The following FECH variants were observed in gnomAD, a reference collection of about 807,000 sequenced individuals.
FECH encodes the protein ferrochelatase, also known as ferrochelatase, mitochondrial.
FECH carries 40 observed loss-of-function variants against 56.9 expected under a neutral mutation model. The ratio of observed to expected loss-of-function variants is 0.70; its 90% CI spans 0.55 to 0.92. The LOEUF is 0.92. Ranked by LOEUF, FECH falls within the 40% of genes least tolerant of loss-of-function variation. The probability of loss-of-function intolerance (pLI) is 0.00; values close to 1 mark genes in which losing one functional copy is unlikely to be tolerated. For missense variants in FECH, 431 were observed against 529.1 expected (o/e 0.81, Z 1.82); for synonymous variants, 175 against 198.6 (o/e 0.88, Z 1.00).
intron 1 of FECH, among the ~76,000 whole-genome samples, chr18:57,583,936 C>T (rs1007726482): frequency 1.3e-5 from 2 of 152,310 alleles, no homozygotes; most frequent in Admixed American, 1.3e-4. Context: ...AATCCTAGCA[C>T]TTTGGGAGGC....
intron 2 of FECH, among the ~76,000 whole-genome samples, chr18:57,576,189 T>C (rs2051183909): frequency 6.6e-6 from 1 of 152,168 alleles, no homozygotes; most frequent in South Asian, 2.1e-4. Context: ...TTGCCAAATT[T>C]GTCCCAGGAG....
chr18:57,555,439 G>C (rs893993420), intron 7 of FECH, among the ~76,000 whole-genome samples: 1 of 152,140 alleles, frequency 6.6e-6, no homozygotes, highest in African/African-American at 2.4e-5. Flanking sequence ...ATCACTGCAG[G>C]TTACAGGCAC....
rs541841820 is a variant in FECH, at chr18:57,562,270, G to C, written c.705+604C>G. 3.9e-5 allele frequency among the ~76,000 whole-genome samples: 6 copies of C among 152,216 alleles called. No homozygotes were observed. In the East Asian group the frequency reaches 1.2e-3, roughly 29 times the overall value. ...CCTCCCATATTTGACAGGCAGAAAA[G>C]AATATGGTAACATCAGTTCAAAGCT... On this transcript the variant is annotated intron_variant, in intron 6 of 10. Transcript: ENST00000262093.
intron 9 of FECH, 94 bp downstream of exon 9, chr18:57,554,166 A>G: frequency 2.2e-6 from 3 of 1,342,176 alleles, no homozygotes; most frequent in Non-Finnish European, 3.2e-6. Context: ...CAAATACAGT[A>G]AACAATATTT....
intron 7 of FECH, 35 bp downstream of exon 7, chr18:57,559,110 A>G: frequency 7.3e-7 from 1 of 1,374,172 alleles, no homozygotes; most frequent in Non-Finnish European, 1.0e-6. Context: ...CCAATCCTCT[A>G]TCACTAGGTC....
intron 6 of FECH, among the ~76,000 whole-genome samples, chr18:57,559,972 A>G (rs947054404): frequency 3.3e-5 from 5 of 152,232 alleles, no homozygotes; most frequent in Non-Finnish European, 5.9e-5. Flanking sequence ...TCACGTCGAT[A>G]GGTGCTGAAA....
chr18:57,586,553 C>G lies in FECH; in HGVS notation c.67+1G>C. On this transcript the variant is annotated splice_donor_variant, in intron 1 of 10. Coordinates refer to ENST00000262093, the MANE Select transcript of FECH (RefSeq NM_000140.5). LOFTEE classifies it high-confidence loss of function. ...GCGGCCGCCGCGACAGACCCACTTACGCGGATCGCGGAGCAGGACGCCCGC... is the reference window on the plus strand; with the variant it reads ...GCGGCCGCCGCGACAGACCCACTTAGGCGGATCGCGGAGCAGGACGCCCGC... The G allele has an allele frequency of 1.3e-6, 2 of 1,521,684 alleles. No homozygotes were observed. The highest frequency in any genetic ancestry group is 1.8e-6 in the Non-Finnish European group (2 of 1,141,154). The allele number at this position is 1,521,684 out of a possible 1,614,324, so 94.3% of individuals were successfully genotyped here. A position where few individuals can be genotyped will look rare whatever the true frequency, so the allele number is the denominator to read the frequency against.
chr18:57,555,826 G>A (rs544426578), intron 7 of FECH, among the ~76,000 whole-genome samples: 25 of 152,320 alleles, frequency 1.6e-4, no homozygotes, highest in African/African-American at 6.0e-4. Flanking sequence ...ATAAATATTG[G>A]TGAAATGAAA....
Position 57,547,325 on chromosome 18 carries a change from T to G in FECH, c.*3387A>C, listed in dbSNP as rs1390137806. Reference sequence around the variant, plus strand: ...AGGGTGGAATGATATGATTTGGCTCTGTTCCCCACCCAAATCTCATTTCAA... The same window carrying G: ...AGGGTGGAATGATATGATTTGGCTCGGTTCCCCACCCAAATCTCATTTCAA... On this transcript the variant is annotated 3_prime_UTR_variant, in exon 11 of 11. Coordinates refer to ENST00000262093, the MANE Select transcript of FECH (RefSeq NM_000140.5). 6.6e-6 allele frequency among the ~76,000 whole-genome samples: 1 copy of G among 152,180 alleles called. No individual in the cohort carries two copies. The highest frequency in any genetic ancestry group is 6.6e-5 in the Admixed American group (1 of 15,266).
At position 57,573,287 on chromosome 18, in the gene FECH, T is replaced by C. The variant is rs750764612; in HGVS notation, c.273A>G (p.Arg91=). 1.9e-6 allele frequency: 3 copies of C among 1,613,818 alleles called. No individual in the cohort carries two copies. Among genetic ancestry groups the C allele is most frequent in the South Asian group, 2.2e-5 (2 of 91,066 alleles). ...TCATGAGGTCTCGGTCCAAGAAGAG[T>C]CTCAGAAGGAAGTCGTGAACATCTC... ...TLGDVHDFLL[R]LFLDRDLMTL... The change falls in exon 3 of 11, where the codon AGA becomes AGG. Residue 91 remains arginine (R), a synonymous_variant. Transcript: ENST00000262093.
At position 57,547,311 on chromosome 18, in the gene FECH, A is replaced by G. The variant is rs141932478; in HGVS notation, c.*3401T>C. ...ATTTGGGAGGGGCCAGGGTGGAATG[A>G]TATGATTTGGCTCTGTTCCCCACCC... is the stretch of plus-strand genomic sequence containing the variant. On this transcript the variant is annotated 3_prime_UTR_variant, in exon 11 of 11. Transcript: ENST00000262093. Among the ~76,000 whole-genome samples, 5 of 152,252 alleles carry G rather than the reference A, an allele frequency of 3.3e-5. No individual in the cohort carries two copies. In the East Asian group the frequency reaches 9.6e-4, roughly 29 times the overall value.
intron 5 of FECH, among the ~76,000 whole-genome samples, chr18:57,564,549 T>C (rs959080166): frequency 5.9e-5 from 9 of 152,196 alleles, no homozygotes; most frequent in Admixed American, 1.3e-4. Flanking sequence ...AGGTTTCCAG[T>C]TGAAAATGGT....
chr18:57,571,466 G>T lies in FECH; in HGVS notation c.389C>A (p.Ser130Tyr). The change falls in exon 4 of 11, where the codon TCC becomes TAC. Residue 130 changes from serine (S) to tyrosine (Y), a missense_variant. Physicochemically the swap from Ser to Tyr is moderately radical, Grantham distance 144 (BLOSUM62 -2). Coordinates refer to ENST00000262093, the MANE Select transcript of FECH (RefSeq NM_000140.5). ...CTTGGAAGTCCATATCTTGATGGGG[G>T]ATCCGCCTCCAATCCTGCGGTACTG... ...QEQYRRIGGG[S>Y]PIKIWTSKQG... is the part of the protein sequence containing the mutation. The T allele has an allele frequency of 6.2e-7, 1 of 1,613,958 alleles. No homozygotes were observed.
At chr18:57,560,696 T>A (rs1048090376) in intron 6 of FECH, among the ~76,000 whole-genome samples, 1 of 152,066 alleles carries the variant, frequency 6.6e-6, no homozygotes, top group Non-Finnish European at 1.5e-5. Flanking sequence ...TAGATGAGAG[T>A]TCCTTATACT....
At chr18:57,581,489 C>T (rs1390961219) in intron 1 of FECH, among the ~76,000 whole-genome samples, 1 of 152,236 alleles carries the variant, frequency 6.6e-6, no homozygotes, top group Non-Finnish European at 1.5e-5. Context: ...ATTCTCAAAC[C>T]AGCCGGTTAG....
At chr18:57,553,287 C>T (rs1018911953) in intron 9 of FECH, among the ~76,000 whole-genome samples, 1 of 151,946 alleles carries the variant, frequency 6.6e-6, no homozygotes, top group Non-Finnish European at 1.5e-5. Flanking sequence ...TGACAAGAAA[C>T]TTAGGTGCTC....
At chr18:57,586,463 C>A in intron 1 of FECH, 91 bp downstream of exon 1, 1 of 1,373,234 alleles carries the variant, frequency 7.3e-7, no homozygotes, top group Non-Finnish European at 9.8e-7. Context: ...CCGAATCCCC[C>A]GGGCGCGAGG....
At chr18:57,571,687 C>A in intron 3 of FECH, 147 bp from the exon 4 acceptor site, 1 of 1,059,458 alleles carries the variant, frequency 9.4e-7, no homozygotes, top group Non-Finnish European at 1.4e-6. Flanking sequence ...AGGTCATTGA[C>A]AATAGCCAGC....
intron 3 of FECH, chr18:57,573,014 C>T (rs1242293119): frequency 2.3e-5 from 13 of 554,338 alleles, no homozygotes; most frequent in African/African-American, 1.9e-5. Flanking sequence ...ACTGCAATTT[C>T]CAGGGCTCTG....
Sources: gnomAD v4.1 joint callset for allele counts (sites outside exome capture counted in the v4.1 genomes callset) on GRCh38, gnomAD v4.1.1 for gene constraint, MANE v1.5 for transcripts, NCBI Gene and HGNC (gene_info 2026-07-23, HGNC 2026-07-21) for gene names.